The following DPP10 variants were observed in gnomAD, a reference collection of about 807,000 sequenced individuals.
DPP10 encodes the protein inactive dipeptidyl peptidase 10.
Under a neutral mutation model 120.9 loss-of-function variants are expected in DPP10, and 33 were observed. That is an observed-to-expected ratio of 0.27 (90% CI 0.21 to 0.37). DPP10 has a LOEUF of 0.37. Ranked by LOEUF, DPP10 falls within the 10% of genes least tolerant of loss-of-function variation. The pLI is 1.00. For missense variants in DPP10, 816 were observed against 942.8 expected (o/e 0.87, Z 1.76); for synonymous variants, 337 against 326.1 (o/e 1.03, Z -0.36).
chr2:115,086,433 G>A (rs889876715), intron 1 of DPP10, among the ~76,000 whole-genome samples: 1 of 149,732 alleles, frequency 6.7e-6, no homozygotes, highest in African/African-American at 2.5e-5. Context: ...CTGCCTTTCT[G>A]AACCAAATCA....
In DPP10 at chr2:114,986,970, T is replaced by A. The variant is rs191423817; in HGVS notation, c.61-322269T>A. Among the ~76,000 whole-genome samples, 442 of 152,100 alleles carry A rather than the reference T, an allele frequency of 2.9e-3. 1 individual carries two copies. Among genetic ancestry groups the A allele is most frequent in the Non-Finnish European group, 5.2e-3 (353 of 67,968 alleles). ...TTTATTATTATTTTTAGTAAAGATG[T>A]GGTTTCACTATGTTGGCCAGGCTTG... On this transcript the variant is annotated intron_variant, in intron 1 of 25. Transcript: ENST00000410059.
At chr2:115,115,363 C>A (rs1001143263) in intron 1 of DPP10, among the ~76,000 whole-genome samples, 1 of 152,058 alleles carries the variant, frequency 6.6e-6, no homozygotes, top group Non-Finnish European at 1.5e-5. Flanking sequence ...ACAATAAGAT[C>A]CAGGGTTACC....
chr2:115,228,377 T>C (rs1307897532), intron 1 of DPP10, among the ~76,000 whole-genome samples: 1 of 152,106 alleles, frequency 6.6e-6, no homozygotes, highest in African/African-American at 2.4e-5. Context: ...ATTATACTCT[T>C]TTAGTTATTT....
intron 5 of DPP10, among the ~76,000 whole-genome samples, chr2:115,652,184 C>G (rs1575442065): frequency 6.6e-6 from 1 of 152,064 alleles, no homozygotes; most frequent in East Asian, 1.9e-4. Flanking sequence ...TTATAGAAAT[C>G]AATTCATTTA....
At chr2:115,586,852 A>C (rs1034162818) in intron 5 of DPP10, among the ~76,000 whole-genome samples, 6 of 152,072 alleles carry the variant, frequency 3.9e-5, no homozygotes, top group Non-Finnish European at 8.8e-5. Context: ...TCATATGTTT[A>C]AAACTTTTTT....
At chr2:115,511,251 C>T (rs896885839) in intron 4 of DPP10, among the ~76,000 whole-genome samples, 1 of 152,038 alleles carries the variant, frequency 6.6e-6, no homozygotes, top group African/African-American at 2.4e-5. Flanking sequence ...AAATTTATTT[C>T]ATCAATCCTT....
chr2:114,968,550 T>C (rs1308886796), intron 1 of DPP10, among the ~76,000 whole-genome samples: 1 of 152,170 alleles, frequency 6.6e-6, no homozygotes, highest in Admixed American at 6.5e-5. Context: ...AGTAAAGTGG[T>C]TTCTGCATTT....
chr2:115,281,835 A>G (rs929732740), intron 1 of DPP10, among the ~76,000 whole-genome samples: 1 of 152,130 alleles, frequency 6.6e-6, no homozygotes, highest in African/African-American at 2.4e-5. Context: ...GTGCTTTATG[A>G]TTTTAAAAGT....
chr2:114,861,718 T>G (rs1199960358), intron 1 of DPP10, among the ~76,000 whole-genome samples: 8 of 152,146 alleles, frequency 5.3e-5, no homozygotes, highest in Non-Finnish European at 8.8e-5. Flanking sequence ...TTCTATAGGT[T>G]TGCAAGTATG....
intron 13 of DPP10, among the ~76,000 whole-genome samples, chr2:115,770,866 C>T (rs1681375788): frequency 6.6e-6 from 1 of 151,964 alleles, no homozygotes; most frequent in Non-Finnish European, 1.5e-5. Flanking sequence ...ATTCTTTTTT[C>T]ATGAGAAATA....
intron 1 of DPP10, among the ~76,000 whole-genome samples, chr2:115,136,172 A>C: frequency 6.6e-6 from 1 of 152,286 alleles, no homozygotes; most frequent in South Asian, 2.1e-4. Flanking sequence ...CTGAAAAAAA[A>C]AACAAACATG....
intron 1 of DPP10, among the ~76,000 whole-genome samples, chr2:114,692,426 G>C (rs1699814905): frequency 6.6e-6 from 1 of 151,962 alleles, no homozygotes; most frequent in Non-Finnish European, 1.5e-5. Context: ...GTTCTAATTT[G>C]GTTGTGCTGC....
intron 2 of DPP10, among the ~76,000 whole-genome samples, chr2:115,330,028 G>T (rs948157720): frequency 3.9e-5 from 6 of 152,144 alleles, no homozygotes; most frequent in African/African-American, 7.2e-5. Context: ...CTGCCATAAT[G>T]GTTGAACTAG....
intron 1 of DPP10, among the ~76,000 whole-genome samples, chr2:114,702,098 A>G (rs1208374965): frequency 6.6e-6 from 1 of 152,078 alleles, no homozygotes; most frequent in Admixed American, 6.6e-5. Context: ...TTGTCAATGT[A>G]TTTATAGATC....
chr2:114,946,513 TAA>T (rs982702246), intron 1 of DPP10, among the ~76,000 whole-genome samples: 7 of 152,140 alleles, frequency 4.6e-5, no homozygotes, highest in African/African-American at 1.7e-4. Flanking sequence ...TAAAATATTT[TAA>T]AAGTCTCTAA....
At chr2:114,649,499 C>T (rs923039533) in intron 1 of DPP10, among the ~76,000 whole-genome samples, 8 of 152,080 alleles carry the variant, frequency 5.3e-5, no homozygotes, top group African/African-American at 1.9e-4. Flanking sequence ...CAGGCACCCG[C>T]CACCATGCCC....
chr2:114,922,979 T>C (rs1458471303), intron 1 of DPP10, among the ~76,000 whole-genome samples: 1 of 152,164 alleles, frequency 6.6e-6, no homozygotes, highest in Non-Finnish European at 1.5e-5. Flanking sequence ...CTATTCCAAA[T>C]TGGCATCATT....
intron 1 of DPP10, among the ~76,000 whole-genome samples, chr2:114,746,399 A>G (rs1678581232): frequency 2.0e-5 from 3 of 152,132 alleles, no homozygotes; most frequent in Non-Finnish European, 4.4e-5. Flanking sequence ...TATCAGTCTT[A>G]TTTTTTCTTT....
intron 1 of DPP10, among the ~76,000 whole-genome samples, chr2:114,888,431 A>T (rs1692262506): frequency 6.6e-6 from 1 of 152,196 alleles, no homozygotes; most frequent in African/African-American, 2.4e-5. Context: ...GTTCTCAAAA[A>T]AAAGTTCACG....
Sources: gnomAD v4.1 joint callset for allele counts (sites outside exome capture counted in the v4.1 genomes callset) on GRCh38, gnomAD v4.1.1 for gene constraint, MANE v1.5 for transcripts, NCBI Gene and HGNC (gene_info 2026-07-23, HGNC 2026-07-21) for gene names.